Variants in POGLUT1 observed in about 807,000 individuals in gnomAD.
The protein encoded by POGLUT1 is 9630046K23Rik.
A neutral mutation model predicts 61.3 loss-of-function variants in POGLUT1; 32 were observed. The observed-to-expected ratio is 0.52, with a 90% CI of 0.39 to 0.70. POGLUT1 has a LOEUF of 0.70. Among genes scored for constraint, POGLUT1 ranks in the 30% least tolerant of loss-of-function variants. POGLUT1 has a pLI of 0.00. For synonymous variants in POGLUT1, 158 were observed against 158.2 expected, an observed-to-expected ratio of 1.00 and a Z score of 0.01; for missense variants, 411 against 469.8, an observed-to-expected ratio of 0.87 and a Z score of 1.16.
chr3:119,476,808 C>G (rs931209690), intron 3 of POGLUT1, among the ~76,000 whole-genome samples: 1 of 152,090 alleles, frequency 6.6e-6, no homozygotes, highest in Non-Finnish European at 1.5e-5. Context: ...TGATAATGTT[C>G]TTTATTCAGG....
intron 3 of POGLUT1, among the ~76,000 whole-genome samples, chr3:119,473,878 C>T (rs1422784698): frequency 6.6e-6 from 1 of 152,166 alleles, no homozygotes; most frequent in Non-Finnish European, 1.5e-5. Flanking sequence ...TCAGGCTGGT[C>T]TCAAACTCCT....
chr3:119,492,448 T>C lies in POGLUT1; in HGVS notation c.*10T>C, dbSNP rs2081761894. ...GAAAACTGAACTATAGTAGTCATCA[T>C]AGGACCATAGTCCTCTTTGTGGCAA... On this transcript the variant is annotated 3_prime_UTR_variant, in exon 11 of 11. Transcript: ENST00000295588. 4 of 1,549,006 alleles carry C rather than the reference T, an allele frequency of 2.6e-6. No homozygotes were observed. The highest frequency in any genetic ancestry group is 3.5e-6 in the Non-Finnish European group (4 of 1,137,192).
Position 119,491,575 on chromosome 3 carries a change from G to A in POGLUT1, c.1022+1G>A. Reference sequence around the variant, plus strand: ...ATGTAGCTCAAGAGATTGCTGAAAGGTGAGTTCTGTTCATTTTCCCTTTTC... The same window carrying A: ...ATGTAGCTCAAGAGATTGCTGAAAGATGAGTTCTGTTCATTTTCCCTTTTC... On this transcript the variant is annotated splice_donor_variant, in intron 10 of 10. Coordinates refer to ENST00000295588, the MANE Select transcript of POGLUT1 (RefSeq NM_152305.3). LOFTEE classifies it high-confidence loss of function. The A allele has an allele frequency of 2.0e-6, 3 of 1,530,340 alleles. No homozygotes were observed. The highest frequency in any genetic ancestry group is 2.7e-6 in the Non-Finnish European group (3 of 1,116,580). 94.8% of individuals were successfully genotyped at this position (1,530,340 alleles called of 1,614,324 possible).
chr3:119,478,248 G>A, intron 4 of POGLUT1: 1 of 420,254 alleles, frequency 2.4e-6, no homozygotes, highest in Non-Finnish European at 4.7e-6. Context: ...TTTGGGAAAA[G>A]GAACACTATT....
chr3:119,485,074 G>A (rs1271873326), intron 5 of POGLUT1, among the ~76,000 whole-genome samples: 10 of 152,082 alleles, frequency 6.6e-5, no homozygotes, highest in African/African-American at 1.7e-4. Context: ...AAAATTAGCC[G>A]GGCGTGGTGG....
intron 6 of POGLUT1, among the ~76,000 whole-genome samples, chr3:119,486,003 G>A (rs1168701461): frequency 6.6e-6 from 1 of 152,186 alleles, no homozygotes; most frequent in Non-Finnish European, 1.5e-5. Flanking sequence ...ACCATGAAGG[G>A]AGCAGGGTTT....
rs2081728859 is a variant in POGLUT1, at chr3:119,490,406, T to C, written c.798-145T>C. 2.7e-5 allele frequency: 19 copies of C among 716,730 alleles called. No homozygotes were observed. In the South Asian group the frequency reaches 3.0e-4, roughly 11 times the overall value. The allele number at this position is 716,730 out of a possible 1,614,324, so 44.4% of individuals were successfully genotyped here. Reference sequence around the variant, plus strand: ...CTGATAGAAACCACTTAGGAACATATTAATGTGTCCTTGAAAACTCAAAGT... The same window carrying C: ...CTGATAGAAACCACTTAGGAACATACTAATGTGTCCTTGAAAACTCAAAGT... On this transcript the variant is annotated intron_variant, in intron 8 of 10. Transcript: ENST00000295588.
chr3:119,472,680 C>T (rs1361898354), intron 3 of POGLUT1, among the ~76,000 whole-genome samples: 1 of 152,094 alleles, frequency 6.6e-6, no homozygotes, highest in East Asian at 1.9e-4. Flanking sequence ...TGTGCCATTG[C>T]ACTCCAGGCT....
In POGLUT1 at chr3:119,482,140, C is replaced by T. The variant is rs574935970; in HGVS notation, c.578+1968C>T. Among the ~76,000 whole-genome samples the T allele has an allele frequency of 2.0e-5, 3 of 152,290 alleles. No homozygotes were observed. In the South Asian group the frequency reaches 6.2e-4, roughly 32 times the overall value. ...CCTTAATTTTCTAATCCTTTCCCCC[C>T]CTCCTCAGGTACTTGCAAATACCCT... On this transcript the variant is annotated intron_variant, in intron 5 of 10. Coordinates refer to ENST00000295588, the MANE Select transcript of POGLUT1 (RefSeq NM_152305.3).
At position 119,483,826 on chromosome 3, in the gene POGLUT1, C is replaced by G. The variant is rs574766408; in HGVS notation, c.579-1502C>G. Among the ~76,000 whole-genome samples the G allele has an allele frequency of 3.9e-5, 6 of 152,152 alleles. No individual in the cohort carries two copies. In the South Asian group the frequency reaches 1.0e-3, roughly 26 times the overall value. ...AGTAACAATCAAAAATGTCTACAGA[C>G]ATGGCCAAATGTCCCCTGGGTGGGA... is the stretch of plus-strand genomic sequence containing the variant. On this transcript the variant is annotated intron_variant, in intron 5 of 10. Coordinates refer to ENST00000295588, the MANE Select transcript of POGLUT1 (RefSeq NM_152305.3).
intron 7 of POGLUT1, 80 bp from the exon 8 acceptor site, chr3:119,488,849 A>G: frequency 2.7e-6 from 2 of 729,836 alleles, no homozygotes; most frequent in South Asian, 3.3e-5. Context: ...TGTTGATGAA[A>G]TGTTTAACAA....
intron 3 of POGLUT1, among the ~76,000 whole-genome samples, chr3:119,472,833 C>T (rs185234707): frequency 4.5e-4 from 69 of 152,326 alleles, no homozygotes; most frequent in African/African-American, 1.5e-3. Flanking sequence ...GAGTTCAAGA[C>T]GAGCCTAGGC....
intron 3 of POGLUT1, among the ~76,000 whole-genome samples, chr3:119,476,812 A>G (rs2081542588): frequency 6.6e-6 from 1 of 152,218 alleles, no homozygotes; most frequent in African/African-American, 2.4e-5. Context: ...AATGTTCTTT[A>G]TTCAGGTTGA....
In POGLUT1 at chr3:119,490,577, C is replaced by T. The variant is rs775468670; in HGVS notation, c.824C>T (p.Ala275Val). 1.9e-6 allele frequency: 3 copies of T among 1,614,122 alleles called. No homozygotes were observed. Among genetic ancestry groups the T allele is most frequent in the Non-Finnish European group, 2.5e-6 (3 of 1,180,002 alleles). The stretch of plus-strand genomic sequence containing the variant: ...TATCTGTTTAATTTTCGAGGCGTAG[C>T]TGCAAGTTTCCGGTTTAAACACCTC... ...YKYLFNFRGVAASFRFKHLFL... is the reference protein window; with the variant it reads ...YKYLFNFRGVVASFRFKHLFL... Residue 275 changes from alanine (A) to valine (V), a missense_variant, in exon 9 of 11, where the codon GCT (alanine) becomes GTT (valine). Physicochemically the swap from Ala to Val is moderately conservative, Grantham distance 64. Coordinates refer to ENST00000295588, the MANE Select transcript of POGLUT1 (RefSeq NM_152305.3).
chr3:119,488,880 C>T (rs765778503), intron 7 of POGLUT1, 49 bp from the exon 8 acceptor site: 8 of 1,011,000 alleles, frequency 7.9e-6, no homozygotes, highest in Non-Finnish European at 1.3e-5. Context: ...ACAGTGATCA[C>T]AATAAATGCT....
rs772758729 is a variant in POGLUT1 at position 119,485,360 on chromosome 3, A to C, written c.611A>C (p.Asn204Thr). Residue 204 changes from asparagine (N) to threonine (T), a missense_variant, in exon 6 of 11, where the codon AAC becomes ACC. Asn to Thr is a moderately conservative substitution (Grantham distance 65). Coordinates refer to ENST00000295588, the MANE Select transcript of POGLUT1 (RefSeq NM_152305.3). ...SAAQWPWKKK[N>T]STAYFRGSRT... is the part of the protein sequence containing the mutation. Reference sequence around the variant, plus strand: ...GCACAGTGGCCATGGAAAAAGAAAAACTCTACAGCATATTTCCGAGGATCA... The same window carrying C: ...GCACAGTGGCCATGGAAAAAGAAAACCTCTACAGCATATTTCCGAGGATCA... 1 of 1,608,536 alleles carries C rather than the reference A, an allele frequency of 6.2e-7. No homozygotes were observed. The highest frequency in any genetic ancestry group is 1.1e-5 in the South Asian group (1 of 90,694).
chr3:119,469,083 C>T lies in POGLUT1; in HGVS notation c.62C>T (p.Ala21Val). ...CTGCTGTTGTTCCTCCTGCCCTCAG[C>T]GCAGGGCCGCCAGAAGGAGTCAGGT... The part of the protein sequence containing the change: ...LWLLLFLLPS[A>V]QGRQKESGSK... The change falls in exon 1 of 11, where the codon GCG (alanine) becomes GTG (valine). Residue 21 changes from alanine to valine, a missense_variant. Coordinates refer to ENST00000295588, the MANE Select transcript of POGLUT1 (RefSeq NM_152305.3). The T allele has an allele frequency of 1.9e-6, 3 of 1,607,784 alleles. No individual in the cohort carries two copies. The highest frequency in any genetic ancestry group is 2.5e-6 in the Non-Finnish European group (3 of 1,178,564).
In POGLUT1 at chr3:119,491,573, AGGT is replaced by A; in HGVS notation, c.1022+1_1022+3del. On this transcript the variant is annotated splice_donor_variant and coding_sequence_variant, in exon 10 of 11. Transcript: ENST00000295588. LOFTEE classifies it high-confidence loss of function. Reference sequence around the variant, plus strand: ...TGATGTAGCTCAAGAGATTGCTGAAAGGTGAGTTCTGTTCATTTTCCCTTTTCC... The same window carrying A: ...TGATGTAGCTCAAGAGATTGCTGAAAGAGTTCTGTTCATTTTCCCTTTTCC... 1 of 1,536,272 alleles carries A rather than the reference AGGT, an allele frequency of 6.5e-7. No individual in the cohort carries two copies. Among genetic ancestry groups the A allele is most frequent in the Non-Finnish European group, 8.9e-7 (1 of 1,121,486 alleles).
At chr3:119,483,829 G>A (rs1348177569) in intron 5 of POGLUT1, among the ~76,000 whole-genome samples, 2 of 152,320 alleles carry the variant, frequency 1.3e-5, no homozygotes, top group East Asian at 3.9e-4. Flanking sequence ...CTACAGACAT[G>A]GCCAAATGTC....
Sources: gnomAD v4.1 joint callset for allele counts (sites outside exome capture counted in the v4.1 genomes callset) on GRCh38, gnomAD v4.1.1 for gene constraint, MANE v1.5 for transcripts, NCBI Gene and HGNC (gene_info 2026-07-23, HGNC 2026-07-21) for gene names.